MMP24: variants seen among roughly 807,000 people sequenced by gnomAD.
MMP24 encodes the protein matrix metallopeptidase 24, also known as matrix metalloproteinase-24.
MMP24 carries 25 observed loss-of-function variants against 62.8 expected under a neutral mutation model. The ratio of observed to expected loss-of-function variants is 0.40; its 90% CI spans 0.29 to 0.56. The LOEUF is 0.56. Among genes scored for constraint, MMP24 ranks in the 20% least tolerant of loss-of-function variants. MMP24 has a pLI of 0.50. For synonymous variants in MMP24, 319 were observed against 350.5 expected (o/e 0.91, Z 1.00); for missense variants, 634 against 853.6 (o/e 0.74, Z 3.21).
At position 35,276,536 on chromosome 20, in the gene MMP24, G is replaced by A. The variant is rs1258637773; in HGVS notation, c.*1927G>A. On this transcript the variant is annotated 3_prime_UTR_variant, in exon 9 of 9. Coordinates refer to ENST00000246186, the MANE Select transcript of MMP24 (RefSeq NM_006690.4). Reference sequence around the variant, plus strand: ...GTGTCCCCATCTGTGGACCCCTCTAGGGTCTGAGATGAGATGAGAAGTGTC... The same window carrying A: ...GTGTCCCCATCTGTGGACCCCTCTAAGGTCTGAGATGAGATGAGAAGTGTC... 2 of 377,530 alleles carry A rather than the reference G, an allele frequency of 5.3e-6. No individual in the cohort carries two copies. The highest frequency in any genetic ancestry group is 4.6e-5 in the Admixed American group (1 of 21,872). 23.4% of individuals were successfully genotyped at this position (377,530 alleles called of 1,614,324 possible).
chr20:35,236,835 A>C (rs551932698), intron 1 of MMP24, among the ~76,000 whole-genome samples: 132 of 152,122 alleles, frequency 8.7e-4, no homozygotes, highest in Non-Finnish European at 1.7e-3. Context: ...TTAGCCGGGC[A>C]TGGTGGCGTG....
chr20:35,251,116 C>CTTTTTTTTT (rs59317276), intron 2 of MMP24, among the ~76,000 whole-genome samples: 5 of 138,814 alleles, frequency 3.6e-5, no homozygotes, highest in African/African-American at 1.4e-4. Context: ...TAAGCCACTT[C>CTTTTTTTTT]TTTTTTTTTT....
chr20:35,249,840 G>A (rs1357397750), intron 2 of MMP24, among the ~76,000 whole-genome samples: 1 of 151,906 alleles, frequency 6.6e-6, no homozygotes, highest in Admixed American at 6.6e-5. Flanking sequence ...TGATCCGCCC[G>A]CCTCGGCCTC....
At position 35,254,642 on chromosome 20, in the gene MMP24, T is replaced by G; in HGVS notation, c.705T>G (p.Phe235Leu). 3.1e-6 allele frequency: 5 copies of G among 1,614,170 alleles called. No individual in the cohort carries two copies. The highest frequency in any genetic ancestry group is 4.2e-6 in the Non-Finnish European group (5 of 1,180,032). The change falls in exon 4 of 9, where the codon TTT (phenylalanine) becomes TTG (leucine). Residue 235 changes from phenylalanine (F) to leucine (L), a missense_variant. By Grantham distance (22) the Phe-to-Leu change is conservative. Coordinates refer to ENST00000246186, the MANE Select transcript of MMP24 (RefSeq NM_006690.4). ...GTTTCCATGGCGACAGCTCCCCATT[T>G]GATGGAGAAGGGGGATTCCTGGCCC... is the stretch of plus-strand genomic sequence containing the variant. ...ASGFHGDSSP[F>L]DGEGGFLAHA...
At chr20:35,230,603 T>A (rs1467027897) in intron 1 of MMP24, among the ~76,000 whole-genome samples, 3 of 152,222 alleles carry the variant, frequency 2.0e-5, no homozygotes, top group African/African-American at 7.2e-5. Flanking sequence ...CTTTTGGCAG[T>A]GGTTCCACAA....
At chr20:35,257,447 T>G (rs2060580635) in intron 4 of MMP24, among the ~76,000 whole-genome samples, 1 of 152,176 alleles carries the variant, frequency 6.6e-6, no homozygotes, top group Admixed American at 6.5e-5. Flanking sequence ...AGAACTAATA[T>G]TTTTGAGGCC....
chr20:35,263,741 C>T lies in MMP24; in HGVS notation c.818-50C>T, dbSNP rs779129329. Reference sequence around the variant, plus strand: ...CTGAGGTAATGGGTTGGCTGACCGACTCATATCTAAGCAGGTGCCCTGGGC... The same window carrying T: ...CTGAGGTAATGGGTTGGCTGACCGATTCATATCTAAGCAGGTGCCCTGGGC... On this transcript the variant is annotated intron_variant, in intron 4 of 8. Transcript: ENST00000246186. The T allele has an allele frequency of 2.8e-6, 4 of 1,430,360 alleles. No individual in the cohort carries two copies. In the Admixed American group the frequency reaches 1.1e-4, roughly 41 times the overall value. The allele number at this position is 1,430,360 out of a possible 1,614,324, so 88.6% of individuals were successfully genotyped here. A position where few individuals can be genotyped will look rare whatever the true frequency, so the allele number is the denominator to read the frequency against.
intron 5 of MMP24, chr20:35,264,160 G>A: frequency 2.1e-6 from 1 of 472,278 alleles, no homozygotes; most frequent in South Asian, 3.6e-5. Flanking sequence ...CCTAGGGGAG[G>A]GTCTGAGCTG....
At chr20:35,260,298 C>G (rs959909668) in intron 4 of MMP24, among the ~76,000 whole-genome samples, 1 of 152,222 alleles carries the variant, frequency 6.6e-6, no homozygotes, top group African/African-American at 2.4e-5. Flanking sequence ...GTTCCTGGAC[C>G]CAAACCACAG....
At chr20:35,260,460 C>CCAGCT (rs1226125391) in intron 4 of MMP24, among the ~76,000 whole-genome samples, 1 of 152,252 alleles carries the variant, frequency 6.6e-6, no homozygotes, top group African/African-American at 2.4e-5. Context: ...CTGTGGACAG[C>CCAGCT]CCCTGGGGAA....
intron 3 of MMP24, among the ~76,000 whole-genome samples, chr20:35,253,868 G>GATTTTTT (rs2060561366): frequency 7.7e-6 from 1 of 130,084 alleles, no homozygotes; most frequent in African/African-American, 3.0e-5. Flanking sequence ...TTTCCTTTGG[G>GATTTTTT]TTTTTTTTTT....
intron 1 of MMP24, among the ~76,000 whole-genome samples, chr20:35,233,353 G>A (rs989868031): frequency 9.9e-5 from 15 of 152,122 alleles, no homozygotes; most frequent in Admixed American, 6.5e-4. Context: ...AGGTTACAGT[G>A]AGCCAGGATT....
At chr20:35,227,693 G>A (rs1340364793) in intron 1 of MMP24, among the ~76,000 whole-genome samples, 1 of 152,142 alleles carries the variant, frequency 6.6e-6, no homozygotes, top group Non-Finnish European at 1.5e-5. Context: ...TCACAATAAT[G>A]CCAGCTAGCA....
intron 5 of MMP24, 117 bp downstream of exon 5, chr20:35,264,069 T>C: frequency 8.7e-7 from 1 of 1,150,282 alleles, no homozygotes; most frequent in Non-Finnish European, 1.2e-6. Context: ...ACTGCTGCTG[T>C]TTCTCTGTGT....
intron 1 of MMP24, among the ~76,000 whole-genome samples, chr20:35,237,025 G>A (rs1472279277): frequency 6.6e-6 from 1 of 151,894 alleles, no homozygotes; most frequent in African/African-American, 2.4e-5. Context: ...GGGGGAGCTG[G>A]GAATGGAGCC....
At chr20:35,247,107 G>A in intron 2 of MMP24, 119 bp downstream of exon 2, 2 of 1,252,538 alleles carry the variant, frequency 1.6e-6, no homozygotes, top group Non-Finnish European at 1.1e-6. Context: ...TATTCCTGCA[G>A]TGCCATCCTG....
chr20:35,256,905 C>T lies in MMP24; in HGVS notation c.817+2151C>T, dbSNP rs138105157. ...TAATACCTAGAGTTTTCCTACCTGG[C>T]CTGATCATAAGAACCAATGGGGGTT... On this transcript the variant is annotated intron_variant, in intron 4 of 8. Coordinates refer to ENST00000246186, the MANE Select transcript of MMP24 (RefSeq NM_006690.4). Among the ~76,000 whole-genome samples, 261 of 152,114 alleles carry T rather than the reference C, an allele frequency of 1.7e-3. 1 individual carries two copies. Among genetic ancestry groups the T allele is most frequent in the Middle Eastern group, 0.014 (4 of 294 alleles).
Position 35,271,859 on chromosome 20 carries a change from G to A in MMP24, c.1600+24G>A, listed in dbSNP as rs2060672011. On this transcript the variant is annotated intron_variant, in intron 8 of 8. Coordinates refer to ENST00000246186, the MANE Select transcript of MMP24 (RefSeq NM_006690.4). This position sits in a 1 kb window ranked among gnomAD's most constrained non-coding sequence, Gnocchi z 4.0. ...ATGTACGTAAGGGCCGGGCCAGGGTGGGCATGGGGAGCCGGTTTTATGTGG... is the reference window on the plus strand; with the variant it reads ...ATGTACGTAAGGGCCGGGCCAGGGTAGGCATGGGGAGCCGGTTTTATGTGG... 1.9e-6 allele frequency: 3 copies of A among 1,593,946 alleles called. No individual in the cohort carries two copies. Among genetic ancestry groups the A allele is most frequent in the Admixed American group, 1.7e-5 (1 of 58,718 alleles).
intron 8 of MMP24, among the ~76,000 whole-genome samples, chr20:35,272,817 G>C (rs2060678934): frequency 6.6e-6 from 1 of 152,150 alleles, no homozygotes; most frequent in African/African-American, 2.4e-5. Flanking sequence ...TAAGTTTTCT[G>C]TTTTCTCATT....
Sources: allele counts gnomAD v4.1 joint callset (sites outside exome capture counted in the v4.1 genomes callset), GRCh38; gene constraint gnomAD v4.1.1; non-coding constraint Gnocchi (gnomAD v3.1); transcripts MANE v1.5; gene names NCBI Gene and HGNC (gene_info 2026-07-23, HGNC 2026-07-21).